LPAR1: variants seen among roughly 807,000 people sequenced by gnomAD.
LPAR1 encodes the protein LPA receptor 1.
In LPAR1, 5 loss-of-function variants were observed where a neutral mutation model predicts 23.8. That is an observed-to-expected ratio of 0.21 (90% CI 0.11 to 0.44). LPAR1 has a LOEUF of 0.44. LPAR1 is among the 20% of genes least tolerant of loss of function. LPAR1 has a pLI of 0.99. For synonymous variants in LPAR1, 160 were observed against 164.7 expected (o/e 0.97, Z 0.22); for missense variants, 311 against 482.8 (o/e 0.64, Z 3.33).
In LPAR1 at chr9:110,972,050, C is replaced by T. The variant is rs762097971; in HGVS notation, c.45+23G>A. 3 of 1,608,044 alleles carry T rather than the reference C, an allele frequency of 1.9e-6. No homozygotes were observed. In the East Asian group the frequency reaches 6.7e-5, roughly 36 times the overall value. On this transcript the variant is annotated intron_variant, in intron 4 of 5. Transcript: ENST00000683809. Reference sequence around the variant, plus strand: ...TGACAAACTTACGATTACCTCAGACCTCTGCTAGTTTGAAGCCCTTACCTG... The same window carrying T: ...TGACAAACTTACGATTACCTCAGACTTCTGCTAGTTTGAAGCCCTTACCTG...
chr9:110,997,991 A>T (rs1470854865), intron 2 of LPAR1, among the ~76,000 whole-genome samples: 1 of 152,222 alleles, frequency 6.6e-6, no homozygotes, highest in Non-Finnish European at 1.5e-5. Flanking sequence ...TGGCACACAG[A>T]ATTCACTGGA....
intron 2 of LPAR1, among the ~76,000 whole-genome samples, chr9:111,015,080 G>A (rs920643739): frequency 6.6e-6 from 1 of 152,116 alleles, no homozygotes; most frequent in Non-Finnish European, 1.5e-5. Context: ...GACACGGGGA[G>A]GAGACCATCA....
chr9:110,976,023 T>C (rs2138558944), intron 2 of LPAR1, among the ~76,000 whole-genome samples: 1 of 152,256 alleles, frequency 6.6e-6, no homozygotes, highest in South Asian at 2.1e-4. Flanking sequence ...ACTTCTCAAC[T>C]TATTTACAAA....
Position 110,948,089 on chromosome 9 carries a change from T to C in LPAR1, c.46-5921A>G, listed in dbSNP as rs540438831. 3.3e-5 allele frequency among the ~76,000 whole-genome samples: 5 copies of C among 152,360 alleles called. No homozygotes were observed. In the East Asian group the frequency reaches 5.8e-4, roughly 18 times the overall value. On this transcript the variant is annotated intron_variant, in intron 4 of 5. Coordinates refer to ENST00000683809, the MANE Select transcript of LPAR1 (RefSeq NM_001351411.2). Reference sequence around the variant, plus strand: ...GTTCCAAAACTGTTCTGAATCTCAATTGTCTCATTTGTAAATTAAGGTAAG... The same window carrying C: ...GTTCCAAAACTGTTCTGAATCTCAACTGTCTCATTTGTAAATTAAGGTAAG...
intron 5 of LPAR1, among the ~76,000 whole-genome samples, chr9:110,905,031 T>C (rs1192207805): frequency 6.6e-6 from 1 of 152,340 alleles, no homozygotes; most frequent in Non-Finnish European, 1.5e-5. Context: ...TATTCATTTC[T>C]TTCCCACCTC....
rs1190679629 is a variant in LPAR1, at chr9:110,991,623, T to TG, written c.-181-18066_-181-18065insC. Among the ~76,000 whole-genome samples the TG allele has an allele frequency of 5.2e-4, 79 of 151,472 alleles. 1 individual carries two copies. Among genetic ancestry groups the TG allele is most frequent in the African/African-American group, 1.7e-3 (70 of 40,982 alleles). On this transcript the variant is annotated intron_variant, in intron 2 of 5. Coordinates refer to ENST00000683809, the MANE Select transcript of LPAR1 (RefSeq NM_001351411.2). ...TTGTTGTTGTTGTTGTTGTTGTTGT[T>TG]TTTTGGGACAGTTTCACTCTTGTTG...
intron 2 of LPAR1, among the ~76,000 whole-genome samples, chr9:110,981,529 G>A (rs2096666216): frequency 6.6e-6 from 1 of 151,792 alleles, no homozygotes; most frequent in African/African-American, 2.4e-5. Flanking sequence ...GCCAAATAAA[G>A]TATCTACCTA....
intron 4 of LPAR1, among the ~76,000 whole-genome samples, chr9:110,943,558 G>A (rs1232246928): frequency 6.6e-6 from 1 of 151,948 alleles, no homozygotes; most frequent in African/African-American, 2.4e-5. Flanking sequence ...TTACTTGTCT[G>A]CTTCTTAAAG....
At chr9:110,975,079 A>C (rs2096527014) in intron 2 of LPAR1, among the ~76,000 whole-genome samples, 1 of 152,224 alleles carries the variant, frequency 6.6e-6, no homozygotes, top group Admixed American at 6.5e-5. Flanking sequence ...ATACAACTAA[A>C]AAGCAAAAAA....
In LPAR1 at chr9:110,973,573, G is replaced by T. The variant is rs538172012; in HGVS notation, c.-181-15C>A. On this transcript the variant is annotated splice_polypyrimidine_tract_variant and intron_variant, in intron 2 of 5. Transcript: ENST00000683809. ...CAGACGTCCACCTGTGTGAGAAAGA[G>T]AACATTTCTAAAATCCTTTTGACAT... 6.6e-6 allele frequency: 1 copy of T among 152,278 alleles called. No homozygotes were observed. Among genetic ancestry groups the T allele is most frequent in the African/African-American group, 2.4e-5 (1 of 41,554 alleles). The allele number at this position is 152,278 out of a possible 1,614,324, so 9.4% of individuals were successfully genotyped here.
intron 5 of LPAR1, among the ~76,000 whole-genome samples, chr9:110,893,011 T>A (rs2133345080): frequency 6.6e-6 from 1 of 152,278 alleles, no homozygotes; most frequent in Non-Finnish European, 1.5e-5. Flanking sequence ...GCAAGCGCTT[T>A]GGCTTCAGAA....
chr9:110,917,866 A>C (rs1355944353), intron 5 of LPAR1, among the ~76,000 whole-genome samples: 1 of 151,870 alleles, frequency 6.6e-6, no homozygotes, highest in Non-Finnish European at 1.5e-5. Flanking sequence ...TTTAAACTCA[A>C]CTTTGTCCTC....
intron 2 of LPAR1, among the ~76,000 whole-genome samples, chr9:111,024,913 T>C (rs1209350260): frequency 6.6e-6 from 1 of 152,172 alleles, no homozygotes; most frequent in Non-Finnish European, 1.5e-5. Context: ...TATTCCACAG[T>C]GTATATGTGC....
intron 2 of LPAR1, among the ~76,000 whole-genome samples, chr9:111,004,486 C>G (rs564740150): frequency 6.6e-6 from 1 of 152,264 alleles, no homozygotes; most frequent in South Asian, 2.1e-4. Flanking sequence ...TTCCTCCACC[C>G]CAACTCAAAA....
intron 5 of LPAR1, among the ~76,000 whole-genome samples, chr9:110,908,732 T>C (rs2091864520): frequency 2.6e-5 from 4 of 152,050 alleles, no homozygotes; most frequent in Admixed American, 1.3e-4. Flanking sequence ...GAAAGAACTA[T>C]ATTGAAGGGA....
At chr9:110,994,828 T>C (rs1379977159) in intron 2 of LPAR1, among the ~76,000 whole-genome samples, 1 of 152,142 alleles carries the variant, frequency 6.6e-6, no homozygotes, top group Non-Finnish European at 1.5e-5. Flanking sequence ...TGTGCCTGAT[T>C]TTAGAGAAGA....
At chr9:111,012,957 A>C (rs1431994910) in intron 2 of LPAR1, among the ~76,000 whole-genome samples, 2 of 152,122 alleles carry the variant, frequency 1.3e-5, no homozygotes, top group African/African-American at 4.8e-5. Flanking sequence ...TTAAAATTTT[A>C]ATTTTCAAAT....
chr9:110,894,592 C>T (rs540921411), intron 5 of LPAR1, among the ~76,000 whole-genome samples: 1 of 152,186 alleles, frequency 6.6e-6, no homozygotes, highest in Non-Finnish European at 1.5e-5. Context: ...AGCTGTATTC[C>T]CTACTATGCC....
upstream of LPAR1, chr9:111,038,832 G>C (rs1417556312): frequency 1.6e-5 from 5 of 320,442 alleles, no homozygotes; most frequent in East Asian, 6.0e-4. This position sits in a 1 kb window ranked among gnomAD's most constrained non-coding sequence, Gnocchi z 4.4. Flanking sequence ...ACCCGTGGCC[G>C]CCAGCTCGGG....
Sources: allele counts gnomAD v4.1 joint callset (sites outside exome capture counted in the v4.1 genomes callset), GRCh38; gene constraint gnomAD v4.1.1; non-coding constraint Gnocchi (gnomAD v3.1); transcripts MANE v1.5; gene names NCBI Gene and HGNC (gene_info 2026-07-23, HGNC 2026-07-21).